BCL9L: variants seen among roughly 807,000 people sequenced by gnomAD.
BCL9L encodes B-cell CLL/lymphoma 9-like protein.
A neutral mutation model predicts 99.4 loss-of-function variants in BCL9L; 19 were observed. The ratio of observed to expected loss-of-function variants is 0.19; its 90% CI spans 0.13 to 0.28. BCL9L has a LOEUF of 0.28. Among genes scored for constraint, BCL9L ranks in the 10% least tolerant of loss-of-function variants. The pLI is 1.00. For synonymous variants in BCL9L, 900 were observed against 854.8 expected, an observed-to-expected ratio of 1.05 and a Z score of -0.92; for missense variants, 2,023 against 2,101.6, an observed-to-expected ratio of 0.96 and a Z score of 0.73.
At position 118,903,216 on chromosome 11, in the gene BCL9L, C is replaced by T; in HGVS notation, c.749+20G>A. ...TGGGCAGAGAGAGAGAGAGACTTGGCCTGCCCACCAGGCACTTACGTGTTG... is the reference window on the plus strand; with the variant it reads ...TGGGCAGAGAGAGAGAGAGACTTGGTCTGCCCACCAGGCACTTACGTGTTG... On this transcript the variant is annotated intron_variant, in intron 6 of 9. Transcript: ENST00000683865. The surrounding 1 kb of genome is among the most constrained non-coding windows in gnomAD (Gnocchi z 5.6). 1 of 1,566,746 alleles carries T rather than the reference C, an allele frequency of 6.4e-7. No homozygotes were observed. Among genetic ancestry groups the T allele is most frequent in the Non-Finnish European group, 8.6e-7 (1 of 1,156,082 alleles).
Position 118,898,594 on chromosome 11 carries a change from C to T in BCL9L, c.4321G>A (p.Val1441Met), listed in dbSNP as rs79654456. 1,696 of 1,611,814 alleles carry T rather than the reference C, an allele frequency of 1.1e-3. 10 individuals are homozygous for T. In the African/African-American group the frequency reaches 0.018, roughly 17 times the overall value. Residue 1441 changes from valine (V) to methionine (M), a missense_variant, in exon 10 of 10, where the codon GTG becomes ATG. By Grantham distance (21) the Val-to-Met change is conservative. Around this residue, in one of 3 missense-constraint regions of BCL9L, gnomAD observed 902 missense variants for 888.2 expected, o/e 1.02. Coordinates refer to ENST00000683865, the MANE Select transcript of BCL9L (RefSeq NM_001378213.1). The part of the protein sequence containing the change: ...QNFMLMKQRG[V>M]GGEVYSQPPH... ...GGCTGGCTGTAGACCTCGCCCCCCA[C>T]GCCCCGCTGCTTCATCAGCATGAAA...
intron 1 of BCL9L, among the ~76,000 whole-genome samples, chr11:118,919,495 G>A (rs561393889): frequency 1.1e-4 from 16 of 152,156 alleles, no homozygotes; most frequent in South Asian, 8.3e-4. Flanking sequence ...GGGGCTGGGC[G>A]AAGCTCCCAC....
chr11:118,901,999 C>T lies in BCL9L; in HGVS notation c.1744G>A (p.Gly582Arg). 1 of 1,613,298 alleles carries T rather than the reference C, an allele frequency of 6.2e-7. No homozygotes were observed. Among genetic ancestry groups the T allele is most frequent in the South Asian group, 1.1e-5 (1 of 91,042 alleles). The change falls in exon 8 of 10, where the codon GGG (glycine) becomes AGG (arginine). Residue 582 changes from glycine (G) to arginine (R), a missense_variant. Transcript: ENST00000683865. The surrounding 1 kb of genome is among the most constrained non-coding windows in gnomAD (Gnocchi z 6.6). ...WPPGMGAQLRGPMDVQDPMQL... is the reference protein window; with the variant it reads ...WPPGMGAQLRRPMDVQDPMQL... Reference sequence around the variant, plus strand: ...ATGGGATCTTGAACATCCATGGGCCCCCGCAGCTGCGCACCCATTCCAGGT... The same window carrying T: ...ATGGGATCTTGAACATCCATGGGCCTCCGCAGCTGCGCACCCATTCCAGGT...
intron 3 of BCL9L, among the ~76,000 whole-genome samples, chr11:118,909,428 T>A (rs1015472116): frequency 6.6e-6 from 1 of 152,148 alleles, no homozygotes; most frequent in African/African-American, 2.4e-5. Context: ...AGAGGATATT[T>A]ATCCCCCCTC....
chr11:118,906,949 G>A (rs1017474848), intron 5 of BCL9L, among the ~76,000 whole-genome samples: 1 of 152,228 alleles, frequency 6.6e-6, no homozygotes, highest in African/African-American at 2.4e-5. Flanking sequence ...CTCATGGAAG[G>A]ACAAGATATA....
chr11:118,919,574 G>A (rs746091758), intron 1 of BCL9L, among the ~76,000 whole-genome samples: 12 of 151,930 alleles, frequency 7.9e-5, no homozygotes, highest in Admixed American at 1.3e-4. Context: ...GTTCTTTTCC[G>A]AAGAATTCTG....
rs1328982696 is a variant in BCL9L, at chr11:118,900,597, C to A, written c.3124+22G>T. The A allele has an allele frequency of 6.3e-7, 1 of 1,579,832 alleles. No individual in the cohort carries two copies. Among genetic ancestry groups the A allele is most frequent in the Admixed American group, 1.7e-5 (1 of 58,152 alleles). On this transcript the variant is annotated intron_variant, in intron 8 of 9. Coordinates refer to ENST00000683865, the MANE Select transcript of BCL9L (RefSeq NM_001378213.1). This position sits in a 1 kb window ranked among gnomAD's most constrained non-coding sequence, Gnocchi z 5.3. ...CAGCGCCTGCCTGCCTGCCTGCCTGCCTGCCTGCGCAATTGACTCACCCTG... is the reference window on the plus strand; with the variant it reads ...CAGCGCCTGCCTGCCTGCCTGCCTGACTGCCTGCGCAATTGACTCACCCTG...
chr11:118,900,254 T>C lies in BCL9L; in HGVS notation c.3125-56A>G. 1 of 1,499,000 alleles carries C rather than the reference T, an allele frequency of 6.7e-7. No homozygotes were observed. The highest frequency in any genetic ancestry group is 1.3e-5 in the South Asian group (1 of 77,548). 92.9% of individuals were successfully genotyped at this position (1,499,000 alleles called of 1,614,324 possible). A position where few individuals can be genotyped will look rare whatever the true frequency, so the allele number is the denominator to read the frequency against. On this transcript the variant is annotated intron_variant, in intron 8 of 9. Transcript: ENST00000683865. This position sits in a 1 kb window ranked among gnomAD's most constrained non-coding sequence, Gnocchi z 5.3. ...GGTGACTGGGGAGGGGCAGATGAGTTTGGCTGTGGATATGGGGAGGTTTAG... is the reference window on the plus strand; with the variant it reads ...GGTGACTGGGGAGGGGCAGATGAGTCTGGCTGTGGATATGGGGAGGTTTAG...
rs927209691 is a variant in BCL9L, at chr11:118,896,263, C to T, written c.*2152G>A. 6.0e-6 allele frequency: 1 copy of T among 165,564 alleles called. No homozygotes were observed. The highest frequency in any genetic ancestry group is 2.4e-5 in the African/African-American group (1 of 41,342). The allele number at this position is 165,564 out of a possible 1,614,324, so 10.3% of individuals were successfully genotyped here. The stretch of plus-strand genomic sequence containing the variant: ...AATAAAAACCAAGAAGATGTCTTCA[C>T]ATATTGTATTTATATATTTATATTT... On this transcript the variant is annotated 3_prime_UTR_variant, in exon 10 of 10. Coordinates refer to ENST00000683865, the MANE Select transcript of BCL9L (RefSeq NM_001378213.1).
At chr11:118,908,206 C>T (rs955733924) in intron 4 of BCL9L, 64 bp downstream of exon 4, 1 of 1,505,752 alleles carries the variant, frequency 6.6e-7, no homozygotes. Flanking sequence ...AGGTGATCTC[C>T]CAGAACATCT....
rs941882988 is a variant in BCL9L at position 118,921,763 on chromosome 11, C to A, written c.-130-2884G>T. ...CCTTGGCATGGAGAATCAGAGGGAA[C>A]CTGTCTGTGTCCTTTCCCCTACTCC... On this transcript the variant is annotated intron_variant, in intron 1 of 9. Coordinates refer to ENST00000683865, the MANE Select transcript of BCL9L (RefSeq NM_001378213.1). This position sits in a 1 kb window ranked among gnomAD's most constrained non-coding sequence, Gnocchi z 5.4. Among the ~76,000 whole-genome samples, 8 of 152,008 alleles carry A rather than the reference C, an allele frequency of 5.3e-5. No homozygotes were observed. Among genetic ancestry groups the A allele is most frequent in the Non-Finnish European group, 7.4e-5 (5 of 67,976 alleles).
chr11:118,903,293 ACGCCCC>A lies in BCL9L; in HGVS notation c.686_691del (p.Gly229_Gly230del), dbSNP rs537366265. On this transcript the variant is annotated inframe_deletion, in exon 6 of 10. Transcript: ENST00000683865. This position sits in a 1 kb window ranked among gnomAD's most constrained non-coding sequence, Gnocchi z 5.6. ...GAACTGCGAGGGAGGCTTTCCGGGG[ACGCCCC>A]CGCCCCCGCCCCCGCCCCCAGGGGC... 2.7e-4 allele frequency: 431 copies of A among 1,577,792 alleles called. No homozygotes were observed. The highest frequency in any genetic ancestry group is 3.3e-4 in the Non-Finnish European group (386 of 1,163,650).
Position 118,919,120 on chromosome 11 carries a change from CCCCCCAA to C in BCL9L, c.-130-248_-130-242del, listed in dbSNP as rs1565630221. Among the ~76,000 whole-genome samples, 431 of 97,776 alleles carry C rather than the reference CCCCCCAA, an allele frequency of 4.4e-3. 34 individuals carry two copies. The highest frequency in any genetic ancestry group is 0.017 in the African/African-American group (408 of 23,902). 64.1% of individuals were successfully genotyped at this position (97,776 alleles called of 152,430 possible). On this transcript the variant is annotated intron_variant, in intron 1 of 9. Transcript: ENST00000683865. ...TGCACCGCTGCCCCCCCCCCCCCGACCCCCCAACCCCCGCCCACCACACCATCCCCTC... is the reference window on the plus strand; with the variant it reads ...TGCACCGCTGCCCCCCCCCCCCCGACCCCCCGCCCACCACACCATCCCCTC...
In BCL9L at chr11:118,922,863, C is replaced by A. The variant is rs531090498; in HGVS notation, c.-131+2375G>T. The stretch of plus-strand genomic sequence containing the variant: ...CATGGCAGCAGGACCACAAGAACCC[C>A]AAAGGACTTCCCAGGCACCTCCTTG... On this transcript the variant is annotated intron_variant, in intron 1 of 9. Transcript: ENST00000683865. This position sits in a 1 kb window ranked among gnomAD's most constrained non-coding sequence, Gnocchi z 6.2. Among the ~76,000 whole-genome samples the A allele has an allele frequency of 2.6e-5, 4 of 152,236 alleles. No individual in the cohort carries two copies. In the South Asian group the frequency reaches 8.3e-4, roughly 32 times the overall value.
Position 118,903,808 on chromosome 11 carries a change from G to A in BCL9L, c.533-356C>T, listed in dbSNP as rs1022164029. On this transcript the variant is annotated intron_variant, in intron 5 of 9. Transcript: ENST00000683865. This position sits in a 1 kb window ranked among gnomAD's most constrained non-coding sequence, Gnocchi z 5.6. ...ACCCACAGTTACACAGCCAGTTAGT[G>A]CAGAGCCAGAACTGAACCCAGGGCC... Among the ~76,000 whole-genome samples, 2 of 152,210 alleles carry A rather than the reference G, an allele frequency of 1.3e-5. No individual in the cohort carries two copies. The highest frequency in any genetic ancestry group is 2.9e-5 in the Non-Finnish European group (2 of 68,040).
rs545355410 is a variant in BCL9L, at chr11:118,901,606, G to C, written c.2137C>G (p.Gln713Glu). ...GCAGGATCCATCTGTCGGTGCGCCT[G>C]CATCATCCGCTCCATCTCCATGCTC... ...GQSMEMERMMQAHRQMDPAMF... is the reference protein window; with the variant it reads ...GQSMEMERMMEAHRQMDPAMF... The change falls in exon 8 of 10, where the codon CAG becomes GAG. Residue 713 changes from glutamine to glutamate, a missense_variant. Gln to Glu is a conservative substitution (Grantham distance 29). Around this residue, in one of 3 missense-constraint regions of BCL9L, gnomAD observed 1,116 missense variants for 1,194.6 expected, o/e 0.93. Transcript: ENST00000683865. The surrounding 1 kb of genome is among the most constrained non-coding windows in gnomAD (Gnocchi z 6.6). 5.0e-6 allele frequency: 8 copies of C among 1,613,970 alleles called. No individual in the cohort carries two copies. The South Asian group carries it at 8.8e-5, about 18-fold the overall frequency.
intron 3 of BCL9L, among the ~76,000 whole-genome samples, chr11:118,909,520 G>A (rs888934129): frequency 3.9e-5 from 6 of 152,224 alleles, no homozygotes; most frequent in African/African-American, 1.4e-4. Context: ...CTCCGGGGAG[G>A]GGGGAGGGAG....
At position 118,898,880 on chromosome 11, in the gene BCL9L, G is replaced by A. The variant is rs138738007; in HGVS notation, c.4035C>T (p.Ser1345=). 689 of 1,614,026 alleles carry A rather than the reference G, an allele frequency of 4.3e-4. 3 individuals are homozygous for A. The highest frequency in any genetic ancestry group is 2.3e-3 in the Middle Eastern group (14 of 6,060). The part of the protein sequence containing the change: ...PSSTLQYFPK[S]ENQPPKAQPP... ...GCTGAGCCTTGGGGGGCTGGTTCTC[G>A]CTCTTGGGGAAGTACTGGAGGGTGC... Residue 1345 remains serine, a synonymous_variant, in exon 10 of 10, where the codon AGC becomes AGT. Transcript: ENST00000683865.
chr11:118,922,096 T>A lies in BCL9L; in HGVS notation c.-131+3142A>T, dbSNP rs904548239. ...GTCGCCCCTCCCACGGCAGCCAGAA[T>A]GCCCTTACTGCCCCTCCCCCAGCCT... On this transcript the variant is annotated intron_variant, in intron 1 of 9. Transcript: ENST00000683865. The surrounding 1 kb of genome is among the most constrained non-coding windows in gnomAD (Gnocchi z 6.2). 1.3e-5 allele frequency among the ~76,000 whole-genome samples: 2 copies of A among 152,026 alleles called. No homozygotes were observed. The highest frequency in any genetic ancestry group is 4.8e-5 in the African/African-American group (2 of 41,404).
Sources: gnomAD v4.1 joint callset for allele counts (sites outside exome capture counted in the v4.1 genomes callset) on GRCh38, gnomAD v4.1.1 for gene constraint, gnomAD v4.1.1 regional missense constraint, Gnocchi (gnomAD v3.1) non-coding constraint, MANE v1.5 for transcripts, NCBI Gene and HGNC (gene_info 2026-07-23, HGNC 2026-07-21) for gene names.